The following PRKCH variants were observed in gnomAD, a reference collection of about 807,000 sequenced individuals.
PRKCH encodes the protein protein kinase C eta.
A neutral mutation model predicts 82.5 loss-of-function variants in PRKCH; 28 were observed. The observed-to-expected ratio is 0.34, with a 90% CI of 0.25 to 0.47. PRKCH has a LOEUF of 0.47. PRKCH is among the 20% of genes least tolerant of loss of function. PRKCH has a pLI of 1.00. For missense variants in PRKCH, 705 were observed against 881.8 expected (o/e 0.80, Z 2.54); for synonymous variants, 322 against 327.4 (o/e 0.98, Z 0.18).
At chr14:61,490,679 C>T (rs1429408057) in intron 10 of PRKCH, among the ~76,000 whole-genome samples, 3 of 152,092 alleles carry the variant, frequency 2.0e-5, no homozygotes, top group Admixed American at 6.6e-5. Flanking sequence ...TTTGTGAGGC[C>T]AAGGTGGGCA....
At position 61,512,826 on chromosome 14, in the gene PRKCH, T is replaced by C. The variant is rs971545547; in HGVS notation, c.1434-16249T>C. 2.0e-5 allele frequency among the ~76,000 whole-genome samples: 3 copies of C among 152,188 alleles called. No individual in the cohort carries two copies. In the East Asian group the frequency reaches 5.8e-4, roughly 29 times the overall value. Reference sequence around the variant, plus strand: ...GTTTTGGGGGTTTTTTAAATAAGTTTGTTTGTTCATTTATTTGGAGACATG... The same window carrying C: ...GTTTTGGGGGTTTTTTAAATAAGTTCGTTTGTTCATTTATTTGGAGACATG... On this transcript the variant is annotated intron_variant, in intron 10 of 13. Transcript: ENST00000332981.
At chr14:61,504,665 TCTC>T (rs1388849693) in intron 10 of PRKCH, among the ~76,000 whole-genome samples, 1 of 152,214 alleles carries the variant, frequency 6.6e-6, no homozygotes, top group African/African-American at 2.4e-5. Flanking sequence ...GATGGAGTAT[TCTC>T]CTCTCGTTCA....
At chr14:61,467,000 G>A (rs1885291939) in intron 9 of PRKCH, among the ~76,000 whole-genome samples, 2 of 152,170 alleles carry the variant, frequency 1.3e-5, no homozygotes, top group African/African-American at 4.8e-5. Flanking sequence ...TCTCACGTGT[G>A]CTCAGTGTAC....
At chr14:61,270,913 G>A (rs1257506717) in intron 1 of PRKCH, among the ~76,000 whole-genome samples, 6 of 152,212 alleles carry the variant, frequency 3.9e-5, no homozygotes, top group Non-Finnish European at 8.8e-5. Context: ...GGTCAAGGCT[G>A]CCGTGAGCTG....
intron 2 of PRKCH, among the ~76,000 whole-genome samples, chr14:61,417,328 G>A (rs1007362344): frequency 6.6e-6 from 1 of 152,032 alleles, no homozygotes; most frequent in Non-Finnish European, 1.5e-5. Flanking sequence ...TCTCATTGTT[G>A]GTCTAACTGA....
chr14:61,308,877 C>A (rs1292716672), intron 1 of PRKCH, among the ~76,000 whole-genome samples: 1 of 151,936 alleles, frequency 6.6e-6, no homozygotes, highest in Admixed American at 6.5e-5. Flanking sequence ...AATCCTCCAG[C>A]GTCAGCCTCC....
Position 61,550,418 on chromosome 14 carries a change from A to C in PRKCH, c.*587A>C, listed in dbSNP as rs2043311006. 1 of 152,508 alleles carries C rather than the reference A, an allele frequency of 6.6e-6. No individual in the cohort carries two copies. Among genetic ancestry groups the C allele is most frequent in the African/African-American group, 2.4e-5 (1 of 41,458 alleles). 9.4% of individuals were successfully genotyped at this position (152,508 alleles called of 1,614,324 possible). On this transcript the variant is annotated 3_prime_UTR_variant, in exon 14 of 14. Transcript: ENST00000332981. ...TGAAAATATGTTGTGCACCAAGACG[A>C]CTGCTTCAGCTTCTTCTCTTATCCT...
chr14:61,279,314 T>C (rs1459261745), intron 1 of PRKCH: 6 of 152,244 alleles, frequency 3.9e-5, no homozygotes, highest in African/African-American at 1.4e-4. Context: ...AAGAGCTTCC[T>C]ACGTTCAAGG....
chr14:61,334,114 C>T (rs2045823264), intron 1 of PRKCH, among the ~76,000 whole-genome samples: 1 of 152,176 alleles, frequency 6.6e-6, no homozygotes, highest in Non-Finnish European at 1.5e-5. Flanking sequence ...CTCTAGACTT[C>T]AGGCCAAGAT....
intron 1 of PRKCH, among the ~76,000 whole-genome samples, chr14:61,310,480 T>C (rs1411252819): frequency 2.0e-5 from 3 of 152,220 alleles, no homozygotes; most frequent in Non-Finnish European, 4.4e-5. Context: ...TTTGACTCCA[T>C]GTCTCACAGC....
At chr14:61,325,949 C>T (rs1359855479) in intron 1 of PRKCH, among the ~76,000 whole-genome samples, 1 of 152,164 alleles carries the variant, frequency 6.6e-6, no homozygotes, top group African/African-American at 2.4e-5. Flanking sequence ...ATTAATAAGA[C>T]TGACCATACC....
chr14:61,523,186 G>C (rs1028328891), intron 10 of PRKCH, among the ~76,000 whole-genome samples: 9 of 152,140 alleles, frequency 5.9e-5, no homozygotes, highest in Non-Finnish European at 4.4e-5. Flanking sequence ...TGAGAGATTT[G>C]CTGTGCACTC....
intron 12 of PRKCH, among the ~76,000 whole-genome samples, chr14:61,539,459 G>A (rs2043154325): frequency 2.0e-5 from 3 of 152,176 alleles, no homozygotes; most frequent in Admixed American, 1.3e-4. Flanking sequence ...ACACTGTGTA[G>A]TGTGTCTCTG....
intron 1 of PRKCH, among the ~76,000 whole-genome samples, chr14:61,370,660 C>T (rs1299435673): frequency 2.0e-5 from 3 of 152,074 alleles, no homozygotes; most frequent in Admixed American, 2.0e-4. Context: ...CCAGAAAGTA[C>T]TCATTATGTT....
intron 2 of PRKCH, among the ~76,000 whole-genome samples, chr14:61,427,695 T>A (rs1003950594): frequency 6.6e-6 from 1 of 152,156 alleles, no homozygotes; most frequent in Non-Finnish European, 1.5e-5. Flanking sequence ...TAAGTAATCC[T>A]TCTGCCTCAG....
At chr14:61,234,173 G>A (rs926482179) in intron 1 of PRKCH, among the ~76,000 whole-genome samples, 2 of 152,148 alleles carry the variant, frequency 1.3e-5, no homozygotes, top group Non-Finnish European at 2.9e-5. Context: ...TGCCAGATGG[G>A]ATGAAGACAT....
chr14:61,236,577 G>A (rs1053696327), intron 1 of PRKCH, among the ~76,000 whole-genome samples: 17 of 151,856 alleles, frequency 1.1e-4, no homozygotes, highest in South Asian at 2.1e-4. Context: ...GCATGGTGGC[G>A]GGAGCCTGTA....
chr14:61,288,432 T>A (rs1398334984), intron 1 of PRKCH, among the ~76,000 whole-genome samples: 4 of 152,132 alleles, frequency 2.6e-5, no homozygotes, highest in African/African-American at 9.7e-5. Context: ...CCTAGGTCAC[T>A]GATTCAAATG....
intron 1 of PRKCH, among the ~76,000 whole-genome samples, chr14:61,204,763 GAAAAAA>G (rs67978354): frequency 9.1e-4 from 97 of 106,222 alleles, no homozygotes; most frequent in African/African-American, 3.2e-3. Context: ...CCTTTCTCAA[GAAAAAA>G]AAAAAAAAAG....
Sources: gnomAD v4.1 joint callset for allele counts (sites outside exome capture counted in the v4.1 genomes callset) on GRCh38, gnomAD v4.1.1 for gene constraint, MANE v1.5 for transcripts, NCBI Gene and HGNC (gene_info 2026-07-23, HGNC 2026-07-21) for gene names.